The following PDE4D variants were observed in gnomAD, a reference collection of about 807,000 sequenced individuals.
PDE4D encodes phosphodiesterase 4D, also known as 3',5'-cyclic-AMP phosphodiesterase 4D.
Under a neutral mutation model 87.4 loss-of-function variants are expected in PDE4D, and 24 were observed. The ratio of observed to expected loss-of-function variants is 0.27; its 90% confidence interval spans 0.20 to 0.39. The LOEUF (loss-of-function observed/expected upper bound fraction) is 0.39. PDE4D is among the 10% of genes least tolerant of loss of function. The pLI, the probability that PDE4D is intolerant of heterozygous loss-of-function variation, is 1.00. For synonymous variants in PDE4D, 384 were observed against 383.2 expected, an observed-to-expected ratio of 1.00 and a Z score of -0.02; for missense variants, 714 against 1,041.0, an observed-to-expected ratio of 0.69 and a Z score of 4.32.
At chr5:59,618,415 T>C (rs1475223047) in intron 1 of PDE4D, among the ~76,000 whole-genome samples, 3 of 152,114 alleles carry the variant, frequency 2.0e-5, no homozygotes, top group East Asian at 3.9e-4. Context: ...AGAATTGTGA[T>C]GAAAACTGTG....
chr5:59,955,627 T>A (rs1482891279), intron 3 of PDE4D, among the ~76,000 whole-genome samples: 3 of 152,196 alleles, frequency 2.0e-5, no homozygotes, highest in African/African-American at 7.2e-5. Flanking sequence ...TTAATATTTT[T>A]GTCCCAATCA....
At chr5:60,507,638 TTTTC>T (rs1170757337) in intron 1 of PDE4D, among the ~76,000 whole-genome samples, 1 of 152,112 alleles carries the variant, frequency 6.6e-6, no homozygotes, top group Non-Finnish European at 1.5e-5. Flanking sequence ...AGAGTGAGCA[TTTTC>T]TTTATTTAAA....
intron 1 of PDE4D, among the ~76,000 whole-genome samples, chr5:60,308,123 T>C (rs1474460508): frequency 2.0e-5 from 3 of 152,206 alleles, no homozygotes; most frequent in Non-Finnish European, 1.5e-5. Flanking sequence ...AATGGAGATG[T>C]TTCTATTCTA....
intron 1 of PDE4D, among the ~76,000 whole-genome samples, chr5:59,689,291 C>A (rs1243913956): frequency 6.6e-6 from 1 of 152,202 alleles, no homozygotes; most frequent in Non-Finnish European, 1.5e-5. Context: ...AGACCAATAT[C>A]CCTGATGAAC....
chr5:59,143,100 CCTT>C (rs987080713), intron 5 of PDE4D, among the ~76,000 whole-genome samples: 4 of 148,844 alleles, frequency 2.7e-5, no homozygotes, highest in African/African-American at 7.4e-5. Context: ...TTTACTGTTT[CCTT>C]CTTTCCTTCC....
chr5:60,033,801 TG>T (rs1767499214), intron 2 of PDE4D, among the ~76,000 whole-genome samples: 1 of 152,176 alleles, frequency 6.6e-6, no homozygotes, highest in Non-Finnish European at 1.5e-5. Context: ...CTAGAATCAG[TG>T]CAGTGAAAGT....
chr5:59,019,004 C>T (rs1314033527), intron 6 of PDE4D, among the ~76,000 whole-genome samples: 1 of 150,814 alleles, frequency 6.6e-6, no homozygotes, highest in Non-Finnish European at 1.5e-5. Flanking sequence ...AGGGCATTTC[C>T]GCTTAGATAC....
At chr5:59,201,108 A>G (rs2153494243) in intron 2 of PDE4D, among the ~76,000 whole-genome samples, 1 of 152,274 alleles carries the variant, frequency 6.6e-6, no homozygotes, top group Admixed American at 6.5e-5. Context: ...TTTTTAAATA[A>G]ATTAAAAAAT....
intron 1 of PDE4D, among the ~76,000 whole-genome samples, chr5:59,618,218 C>A (rs1343098229): frequency 6.6e-6 from 1 of 152,060 alleles, no homozygotes; most frequent in African/African-American, 2.4e-5. Flanking sequence ...CCCTCTTAAG[C>A]CCATTCTACA....
At chr5:59,792,461 T>C (rs1765917336) in intron 1 of PDE4D, among the ~76,000 whole-genome samples, 1 of 118,468 alleles carries the variant, frequency 8.4e-6, no homozygotes. Context: ...GGGCATGGAG[T>C]GAAGGAGGAA....
At chr5:60,231,436 C>T (rs1448999689) in intron 1 of PDE4D, among the ~76,000 whole-genome samples, 1 of 151,288 alleles carries the variant, frequency 6.6e-6, no homozygotes, top group Admixed American at 6.6e-5. Context: ...TGAATGAAGC[C>T]AATAAAGAGA....
chr5:59,703,588 C>T (rs529132377), intron 1 of PDE4D: 18 of 534,308 alleles, frequency 3.4e-5, no homozygotes, highest in Admixed American at 2.9e-4. Flanking sequence ...TCTTTGTCCC[C>T]AGCCGACTTC....
chr5:60,085,574 T>A lies in PDE4D; in HGVS notation c.43-96857A>T, dbSNP rs544661407. 2.0e-5 allele frequency among the ~76,000 whole-genome samples: 3 copies of A among 152,298 alleles called. No individual in the cohort carries two copies. In the South Asian group the frequency reaches 6.2e-4, roughly 32 times the overall value. On this transcript the variant is annotated intron_variant, in intron 2 of 16. Transcript: ENST00000502484. ...ATGGGAGGTTGTGCCTCCGTCTTTT[T>A]TTCCAAGTGGAGAATGCCTTCATGT...
At chr5:60,213,717 AC>A (rs1352825769) in intron 1 of PDE4D, among the ~76,000 whole-genome samples, 1 of 152,020 alleles carries the variant, frequency 6.6e-6, no homozygotes, top group African/African-American at 2.4e-5. Context: ...TTTCTGCTAC[AC>A]CTTTACACAA....
intron 1 of PDE4D, among the ~76,000 whole-genome samples, chr5:59,673,097 A>G (rs1172131950): frequency 6.6e-6 from 1 of 152,228 alleles, no homozygotes; most frequent in African/African-American, 2.4e-5. Flanking sequence ...TCACGAGTGT[A>G]TATCTTTGAT....
chr5:59,841,970 C>T (rs186778308), intron 1 of PDE4D, among the ~76,000 whole-genome samples: 1 of 151,922 alleles, frequency 6.6e-6, no homozygotes, highest in East Asian at 1.9e-4. Context: ...AAGTAGGAGC[C>T]AGGTAAGAAA....
chr5:60,032,228 A>G (rs74859419), intron 2 of PDE4D, among the ~76,000 whole-genome samples: 3,782 of 152,316 alleles, frequency 0.025, 57 homozygotes, highest in Non-Finnish European at 0.036. Flanking sequence ...TACAAACATA[A>G]TTAATGACTT....
chr5:59,551,149 A>G (rs922377665), intron 1 of PDE4D, among the ~76,000 whole-genome samples: 11 of 151,998 alleles, frequency 7.2e-5, no homozygotes, highest in African/African-American at 2.4e-4. Context: ...TCTATCAGAC[A>G]TTTTCTTCAT....
At chr5:60,076,162 G>A (rs921698415) in intron 2 of PDE4D, among the ~76,000 whole-genome samples, 11 of 135,342 alleles carry the variant, frequency 8.1e-5, no homozygotes, top group African/African-American at 2.3e-4. Context: ...AATCTTTTTC[G>A]AATTTTTTTT....
Sources: allele counts gnomAD v4.1 joint callset (sites outside exome capture counted in the v4.1 genomes callset), GRCh38; gene constraint gnomAD v4.1.1; transcripts MANE v1.5; gene names NCBI Gene and HGNC (gene_info 2026-07-23, HGNC 2026-07-21).